Variants in TMEM117 observed in about 807,000 individuals in gnomAD.
TMEM117 encodes the protein transmembrane protein 117.
Under a neutral mutation model 52.4 loss-of-function variants are expected in TMEM117, and 27 were observed. The observed-to-expected ratio is 0.51, with a 90% CI of 0.38 to 0.71. The LOEUF is 0.71. Ranked by LOEUF, TMEM117 falls within the 30% of genes least tolerant of loss-of-function variation. The probability of loss-of-function intolerance (pLI) is 0.00; values close to 1 mark genes in which losing one functional copy is unlikely to be tolerated. For missense variants in TMEM117, 556 were observed against 630.5 expected, an observed-to-expected ratio of 0.88 and a Z score of 1.26; for synonymous variants, 215 against 206.3, an observed-to-expected ratio of 1.04 and a Z score of -0.36.
the TMEM117 span, among the ~76,000 whole-genome samples, chr12:43,823,727 T>C: frequency 6.6e-6 from 1 of 152,034 alleles, no homozygotes; most frequent in Admixed American, 6.6e-5. Context: ...TTGGCCAGGA[T>C]GGTCTCGATC....
At chr12:43,872,534 TC>T (rs1943724631) in intron 2 of TMEM117, among the ~76,000 whole-genome samples, 1 of 152,220 alleles carries the variant, frequency 6.6e-6, no homozygotes. Flanking sequence ...ACTTATTTTT[TC>T]AGAGCTTTTG....
chr12:43,942,435 A>C (rs1945058552), intron 2 of TMEM117, among the ~76,000 whole-genome samples: 1 of 152,192 alleles, frequency 6.6e-6, no homozygotes, highest in South Asian at 2.1e-4. Context: ...TATTGATTAA[A>C]TTAATCAGCA....
chr12:44,326,839 A>C (rs1485585954), intron 6 of TMEM117, among the ~76,000 whole-genome samples: 1 of 152,212 alleles, frequency 6.6e-6, no homozygotes, highest in South Asian at 2.1e-4. Context: ...AAAATTCAGT[A>C]GGTTCACACT....
intron 2 of TMEM117, among the ~76,000 whole-genome samples, chr12:43,851,671 C>T (rs1943310782): frequency 6.6e-6 from 1 of 152,076 alleles, no homozygotes; most frequent in Non-Finnish European, 1.5e-5. Flanking sequence ...ATGCATAATA[C>T]AGTAGAAGTA....
At chr12:44,387,058 C>G (rs1952098189) in intron 7 of TMEM117, among the ~76,000 whole-genome samples, 1 of 151,758 alleles carries the variant, frequency 6.6e-6, no homozygotes, top group African/African-American at 2.4e-5. Flanking sequence ...CGTCCCCTAA[C>G]TTGCTACAGC....
At chr12:44,097,441 A>G (rs1023959619) in intron 3 of TMEM117, among the ~76,000 whole-genome samples, 7 of 152,114 alleles carry the variant, frequency 4.6e-5, no homozygotes, top group Non-Finnish European at 8.8e-5. Flanking sequence ...CACTATTCAC[A>G]ATAGCAAAGA....
At chr12:44,323,760 C>T (rs1951162791) in intron 6 of TMEM117, among the ~76,000 whole-genome samples, 1 of 152,136 alleles carries the variant, frequency 6.6e-6, no homozygotes, top group African/African-American at 2.4e-5. Context: ...CCCAAACTTA[C>T]ATTACTACGG....
At position 44,180,118 on chromosome 12, in the gene TMEM117, A is replaced by G. The variant is rs1255860593; in HGVS notation, c.511-31172A>G. On this transcript the variant is annotated intron_variant, in intron 4 of 7. Transcript: ENST00000266534. ...GGCCTCACCTAGCTTCAAAAAAGGC[A>G]CCAAAAAATGTGGCCCCTGACTGGG... is the stretch of plus-strand genomic sequence containing the variant. Among the ~76,000 whole-genome samples the G allele has an allele frequency of 2.0e-5, 3 of 152,106 alleles. No individual in the cohort carries two copies. The East Asian group carries it at 5.8e-4, about 29-fold the overall frequency.
intron 6 of TMEM117, among the ~76,000 whole-genome samples, chr12:44,345,472 T>C (rs1185725204): frequency 6.6e-6 from 1 of 152,130 alleles, no homozygotes; most frequent in Non-Finnish European, 1.5e-5. Flanking sequence ...TTTCTCATTT[T>C]GTAAAACAGA....
At chr12:43,798,495 T>C in the TMEM117 span, 1 of 1,416,424 alleles carries the variant, frequency 7.1e-7, no homozygotes, top group Non-Finnish European at 9.3e-7. Flanking sequence ...TTTAAAAAAA[T>C]GAATGGAGAT....
At chr12:43,805,308 C>CAA in the TMEM117 span, among the ~76,000 whole-genome samples, 1 of 151,638 alleles carries the variant, frequency 6.6e-6, no homozygotes. Flanking sequence ...ATAAATAAAA[C>CAA]AAAGTTTTCA....
At chr12:43,955,279 G>T (rs566099994) in intron 3 of TMEM117, among the ~76,000 whole-genome samples, 140 of 152,302 alleles carry the variant, frequency 9.2e-4, no homozygotes, top group African/African-American at 1.9e-3. Context: ...CATGGTGTTG[G>T]AAGTTCTGGC....
At chr12:44,385,205 G>C (rs976625866) in intron 7 of TMEM117, among the ~76,000 whole-genome samples, 13 of 152,152 alleles carry the variant, frequency 8.5e-5, no homozygotes, top group African/African-American at 2.9e-4. Flanking sequence ...AACCAGTAAA[G>C]ATGTGTTGGA....
the TMEM117 span, among the ~76,000 whole-genome samples, chr12:43,814,132 A>T: frequency 2.6e-5 from 4 of 152,166 alleles, no homozygotes; most frequent in African/African-American, 4.8e-5. Context: ...TTCATTAAAA[A>T]AATACAACTC....
intron 3 of TMEM117, among the ~76,000 whole-genome samples, chr12:44,073,307 G>C (rs1422168717): frequency 6.6e-6 from 1 of 152,086 alleles, no homozygotes; most frequent in Non-Finnish European, 1.5e-5. Flanking sequence ...ACCAACTGTG[G>C]GTCACACTTT....
intron 6 of TMEM117, among the ~76,000 whole-genome samples, chr12:44,368,975 T>C (rs1951826864): frequency 6.6e-6 from 1 of 152,184 alleles, no homozygotes; most frequent in African/African-American, 2.4e-5. Context: ...TCATTGAGTG[T>C]GTTTCTTTAG....
chr12:44,042,940 A>G (rs1231091465), intron 3 of TMEM117, among the ~76,000 whole-genome samples: 1 of 152,178 alleles, frequency 6.6e-6, no homozygotes, highest in Non-Finnish European at 1.5e-5. Context: ...GCTTCTTAAT[A>G]TGATTAGACC....
chr12:44,027,768 T>G (rs1247693553), intron 3 of TMEM117, among the ~76,000 whole-genome samples: 1 of 152,236 alleles, frequency 6.6e-6, no homozygotes, highest in African/African-American at 2.4e-5. Context: ...ACCTTACAAG[T>G]AGTATTAAAT....
intron 6 of TMEM117, among the ~76,000 whole-genome samples, chr12:44,354,213 A>G (rs532142329): frequency 6.6e-6 from 1 of 152,224 alleles, no homozygotes; most frequent in East Asian, 1.9e-4. Context: ...TGGGTTTTCT[A>G]GATATACAAT....
Sources: allele counts gnomAD v4.1 joint callset (sites outside exome capture counted in the v4.1 genomes callset), GRCh38; gene constraint gnomAD v4.1.1; transcripts MANE v1.5; gene names NCBI Gene and HGNC (gene_info 2026-07-23, HGNC 2026-07-21).